Variants in FMO1 observed in about 807,000 individuals in gnomAD.
The protein encoded by FMO1 is flavin-containing monooxygenase 1.
Under a neutral mutation model 45.4 loss-of-function variants are expected in FMO1, and 36 were observed. The ratio of observed to expected loss-of-function variants is 0.79; its 90% CI spans 0.61 to 1.05. The LOEUF is 1.05. Ranked by LOEUF, FMO1 falls within the 50% of genes least tolerant of loss-of-function variation. The pLI is 0.00. For missense variants in FMO1, 615 were observed against 640.3 expected, an observed-to-expected ratio of 0.96 and a Z score of 0.43; for synonymous variants, 228 against 227.2, an observed-to-expected ratio of 1.00 and a Z score of -0.03.
chr1:171,262,420 T>G (rs1660414893), intron 2 of FMO1, among the ~76,000 whole-genome samples: 1 of 152,216 alleles, frequency 6.6e-6, no homozygotes, highest in Non-Finnish European at 1.5e-5. Flanking sequence ...CACCTCCCTG[T>G]AACATTTGCT....
chr1:171,283,084 TA>T (rs1661431786), intron 7 of FMO1, 59 bp from the exon 8 acceptor site: 1 of 867,378 alleles, frequency 1.2e-6, no homozygotes, highest in Admixed American at 2.0e-5. Context: ...TCTTTATCCA[TA>T]AGTCAACAGC....
intron 5 of FMO1, among the ~76,000 whole-genome samples, chr1:171,280,118 G>A (rs566758485): frequency 6.2e-4 from 94 of 152,168 alleles, no homozygotes; most frequent in African/African-American, 2.2e-3. Context: ...AACTCATTGA[G>A]GGCCATTCAG....
At chr1:171,271,124 T>C (rs1374253656) in intron 3 of FMO1, 42 of 887,108 alleles carry the variant, frequency 4.7e-5, no homozygotes, top group Non-Finnish European at 5.7e-6. Flanking sequence ...ATATCCTTTT[T>C]GTATTTTTCC....
intron 1 of FMO1, chr1:171,257,756 A>C (rs1193404772): frequency 2.8e-6 from 1 of 352,588 alleles, no homozygotes; most frequent in African/African-American, 2.1e-5. Flanking sequence ...CACAGAATGG[A>C]GACTAGAGGC....
chr1:171,265,597 A>G (rs1169102219), intron 2 of FMO1, among the ~76,000 whole-genome samples: 1 of 152,242 alleles, frequency 6.6e-6, no homozygotes, highest in Non-Finnish European at 1.5e-5. Context: ...AAGTGGGTAC[A>G]TAGGCAATTG....
At chr1:171,256,414 C>A (rs559695569) in intron 1 of FMO1, among the ~76,000 whole-genome samples, 3 of 152,106 alleles carry the variant, frequency 2.0e-5, no homozygotes, top group Non-Finnish European at 4.4e-5. Context: ...ATGTGTCTAC[C>A]CCCAATACCC....
rs115100023 is a variant in FMO1 at position 171,278,655 on chromosome 1, C to T, written c.485-74C>T. On this transcript the variant is annotated intron_variant, in intron 4 of 8. Coordinates refer to ENST00000617670, the MANE Select transcript of FMO1 (RefSeq NM_001282693.2). The stretch of plus-strand genomic sequence containing the variant: ...AAATCATCTGTCAAAAGAATGTTAT[C>T]AACTGAAGAATATTTATGTTTCATT... The T allele has an allele frequency of 1.0e-3, 1,149 of 1,148,624 alleles. 8 individuals carry two copies. The African/African-American group carries it at 0.015, about 15-fold the overall frequency. 71.2% of individuals were successfully genotyped at this position (1,148,624 alleles called of 1,614,324 possible). A position where few individuals can be genotyped will look rare whatever the true frequency, so the allele number is the denominator to read the frequency against.
At chr1:171,276,079 A>T (rs1661095940) in intron 4 of FMO1, among the ~76,000 whole-genome samples, 1 of 152,194 alleles carries the variant, frequency 6.6e-6, no homozygotes, top group Non-Finnish European at 1.5e-5. Context: ...ATGTTAATCT[A>T]TGCCAAATTT....
At position 171,280,972 on chromosome 1, in the gene FMO1, A is replaced by G. The variant is rs1196717809; in HGVS notation, c.814A>G (p.Ile272Val). 2 of 1,613,572 alleles carry G rather than the reference A, an allele frequency of 1.2e-6. No homozygotes were observed. The highest frequency in any genetic ancestry group is 2.7e-5 in the African/African-American group (2 of 74,886). Reference sequence around the variant, plus strand: ...GCTCAATCATGCAAATTACGGCTTAATACCAGAAGACAGGTAAATATAATG... The same window carrying G: ...GCTCAATCATGCAAATTACGGCTTAGTACCAGAAGACAGGTAAATATAATG... The part of the protein sequence containing the change: ...NWLNHANYGL[I>V]PEDRTQLKEF... The change falls in exon 6 of 9, where the codon ATA becomes GTA. Residue 272 changes from isoleucine to valine, a missense_variant. Ile to Val is a conservative substitution (Grantham distance 29). Transcript: ENST00000617670.
chr1:171,282,490 A>G (rs1455828424), intron 7 of FMO1, 157 bp downstream of exon 7: 1 of 578,896 alleles, frequency 1.7e-6, no homozygotes, highest in Non-Finnish European at 3.0e-6. Context: ...TACTGTCATA[A>G]TGATTTGTTC....
At chr1:171,256,172 C>T (rs1237558740) in intron 1 of FMO1, among the ~76,000 whole-genome samples, 1 of 148,392 alleles carries the variant, frequency 6.7e-6, no homozygotes, top group African/African-American at 2.5e-5. Context: ...ATTCAGGAGG[C>T]TGAGGCAGGA....
chr1:171,278,544 C>T (rs572476940), intron 4 of FMO1, among the ~76,000 whole-genome samples, 185 bp from the exon 5 acceptor site: 2 of 152,134 alleles, frequency 1.3e-5, no homozygotes, highest in East Asian at 3.9e-4. Flanking sequence ...GGAGTAATAA[C>T]CCCCCTTAAA....
intron 8 of FMO1, among the ~76,000 whole-genome samples, chr1:171,284,310 T>C (rs1661526960): frequency 6.6e-6 from 1 of 152,104 alleles, no homozygotes; most frequent in African/African-American, 2.4e-5. Flanking sequence ...TCCAAAACAA[T>C]AATAGCATTT....
chr1:171,271,370 C>G (rs185128653), intron 3 of FMO1: 10 of 1,228,462 alleles, frequency 8.1e-6, no homozygotes, highest in Admixed American at 1.8e-5. Flanking sequence ...GTTTTCACTT[C>G]TCTTTCATAA....
rs755127589 is a variant in FMO1, at chr1:171,275,377, A to G, written c.353A>G (p.Asp118Gly). ...TKVCSVTKCS[D>G]SAVSGQWEVV... ...GTCTGCAGTGTAACAAAATGCTCAG[A>G]TTCTGCTGTCTCTGGCCAATGGGAG... is the stretch of plus-strand genomic sequence containing the variant. Residue 118 changes from aspartate to glycine, a missense_variant, in exon 4 of 9, where the codon GAT becomes GGT. Asp to Gly is a moderately conservative substitution (Grantham distance 94). Coordinates refer to ENST00000617670, the MANE Select transcript of FMO1 (RefSeq NM_001282693.2). 4 of 1,614,016 alleles carry G rather than the reference A, an allele frequency of 2.5e-6. No individual in the cohort carries two copies. Among genetic ancestry groups the G allele is most frequent in the East Asian group, 2.2e-5 (1 of 44,874 alleles).
intron 1 of FMO1, among the ~76,000 whole-genome samples, chr1:171,256,039 T>C (rs1250520735): frequency 6.6e-6 from 1 of 152,102 alleles, no homozygotes; most frequent in African/African-American, 2.4e-5. Flanking sequence ...TTTGGGAGGC[T>C]GAGGCAGGCT....
chr1:171,281,956 C>T (rs780421691), intron 6 of FMO1, 22 bp from the exon 7 acceptor site: 6 of 1,463,174 alleles, frequency 4.1e-6, no homozygotes, highest in Non-Finnish European at 4.7e-6. Context: ...CAAGTCTCCT[C>T]CCTGTTCATG....
chr1:171,283,741 T>TC (rs1367156929), intron 8 of FMO1, among the ~76,000 whole-genome samples: 1 of 152,074 alleles, frequency 6.6e-6, no homozygotes, highest in Non-Finnish European at 1.5e-5. Context: ...TGTGAAAAAA[T>TC]CATATGAAAT....
intron 1 of FMO1, among the ~76,000 whole-genome samples, chr1:171,255,251 CT>C (rs1311793829): frequency 1.3e-5 from 2 of 152,184 alleles, no homozygotes; most frequent in Admixed American, 1.3e-4. Context: ...AAAAATGTGC[CT>C]TTTCAGTTCC....
Sources: gnomAD v4.1 joint callset for allele counts (sites outside exome capture counted in the v4.1 genomes callset) on GRCh38, gnomAD v4.1.1 for gene constraint, MANE v1.5 for transcripts, NCBI Gene and HGNC (gene_info 2026-07-23, HGNC 2026-07-21) for gene names.